CRTC3: variants seen among roughly 807,000 people sequenced by gnomAD.
CRTC3 encodes CREB regulated transcription coactivator 3.
In CRTC3, 26 loss-of-function variants were observed where a neutral mutation model predicts 74.5. The observed-to-expected ratio is 0.35, with a 90% CI of 0.26 to 0.48. CRTC3 has a LOEUF of 0.48. Ranked by LOEUF, CRTC3 falls within the 20% of genes least tolerant of loss-of-function variation. The pLI, the probability that CRTC3 is intolerant of heterozygous loss-of-function variation, is 0.99. For missense variants in CRTC3, 760 were observed against 787.3 expected (o/e 0.97, Z 0.41); for synonymous variants, 377 against 325.8 (o/e 1.16, Z -1.69).
At chr15:90,552,824 C>A (rs1458546935) in intron 2 of CRTC3, among the ~76,000 whole-genome samples, 1 of 152,216 alleles carries the variant, frequency 6.6e-6, no homozygotes, top group East Asian at 1.9e-4. Context: ...TCCCAAGCAT[C>A]TAACTAAATT....
intron 5 of CRTC3, among the ~76,000 whole-genome samples, chr15:90,605,924 G>A (rs746861078): frequency 2.0e-5 from 3 of 152,218 alleles, no homozygotes; most frequent in Non-Finnish European, 4.4e-5. Flanking sequence ...ATACATTAGT[G>A]GCTCCCACAT....
chr15:90,578,399 T>C (rs547976855), intron 2 of CRTC3, among the ~76,000 whole-genome samples: 1 of 151,910 alleles, frequency 6.6e-6, no homozygotes, highest in East Asian at 2.0e-4. Context: ...ATACAAAAAT[T>C]AGCGAGGCGT....
At chr15:90,591,788 C>A (rs997858949) in intron 2 of CRTC3, among the ~76,000 whole-genome samples, 3 of 152,172 alleles carry the variant, frequency 2.0e-5, no homozygotes, top group Non-Finnish European at 4.4e-5. Flanking sequence ...CAGAGTGAGA[C>A]CCTGTCTCAA....
rs142000417 is a variant in CRTC3 at position 90,609,049 on chromosome 15, T to C, written c.577+1571T>C. Reference sequence around the variant, plus strand: ...CTTTTTGGACAATTTAAAGCCTAAATGGCCTCTGTTCCTTCCAGGAGAACA... The same window carrying C: ...CTTTTTGGACAATTTAAAGCCTAAACGGCCTCTGTTCCTTCCAGGAGAACA... On this transcript the variant is annotated intron_variant, in intron 6 of 14. Transcript: ENST00000268184. Among the ~76,000 whole-genome samples the C allele has an allele frequency of 4.5e-3, 690 of 152,374 alleles. 9 individuals are homozygous for C. Among genetic ancestry groups the C allele is most frequent in the African/African-American group, 0.016 (674 of 41,584 alleles).
chr15:90,628,013 C>T (rs1968902052), intron 10 of CRTC3, among the ~76,000 whole-genome samples: 1 of 150,588 alleles, frequency 6.6e-6, no homozygotes, highest in South Asian at 2.1e-4. Context: ...GTCAGGAGAT[C>T]GAGACCATCC....
intron 2 of CRTC3, among the ~76,000 whole-genome samples, chr15:90,563,563 G>C (rs926050562): frequency 6.6e-6 from 1 of 152,128 alleles, no homozygotes; most frequent in Non-Finnish European, 1.5e-5. Context: ...TGCTAAGAGC[G>C]GATGGCTCTC....
chr15:90,566,549 A>G (rs1470415821), intron 2 of CRTC3, among the ~76,000 whole-genome samples: 1 of 72,090 alleles, frequency 1.4e-5, no homozygotes, highest in African/African-American at 3.6e-5. Flanking sequence ...GACTCTGTCT[A>G]TTAAAAAAAA....
At chr15:90,615,112 CAATT>C (rs982215166) in intron 7 of CRTC3, among the ~76,000 whole-genome samples, 109 of 151,284 alleles carry the variant, frequency 7.2e-4, no homozygotes, top group African/African-American at 2.3e-3. Flanking sequence ...ATCACTTAAA[CAATT>C]AGTTATTCCA....
intron 2 of CRTC3, among the ~76,000 whole-genome samples, chr15:90,586,939 A>G (rs1967678468): frequency 1.3e-5 from 2 of 152,226 alleles, no homozygotes; most frequent in Admixed American, 1.3e-4. Context: ...CTTGGACTTC[A>G]GCTCATTTCC....
chr15:90,585,066 A>G (rs1243719417), intron 2 of CRTC3, among the ~76,000 whole-genome samples: 1 of 152,224 alleles, frequency 6.6e-6, no homozygotes, highest in African/African-American at 2.4e-5. Context: ...TCTTAGCAAG[A>G]CTGTTAACCT....
At chr15:90,600,868 G>T (rs776668047) in intron 3 of CRTC3, among the ~76,000 whole-genome samples, 20 of 152,296 alleles carry the variant, frequency 1.3e-4, no homozygotes, top group African/African-American at 4.3e-4. Context: ...AAAGGAATGG[G>T]CTTGGTTTGG....
intron 6 of CRTC3, among the ~76,000 whole-genome samples, chr15:90,608,451 CCTCT>C (rs1190670072): frequency 2.0e-5 from 3 of 151,998 alleles, no homozygotes; most frequent in Non-Finnish European, 4.4e-5. Context: ...CCTGTCTCTT[CCTCT>C]CTCTCTCACT....
intron 1 of CRTC3, among the ~76,000 whole-genome samples, chr15:90,537,226 T>C (rs1053576081): frequency 5.2e-5 from 5 of 95,924 alleles, no homozygotes; most frequent in African/African-American, 2.0e-4. Context: ...AGATCAGCAA[T>C]AATGATAATA....
intron 2 of CRTC3, among the ~76,000 whole-genome samples, chr15:90,562,636 C>T (rs757518959): frequency 4.6e-5 from 7 of 152,290 alleles, no homozygotes; most frequent in Middle Eastern, 3.4e-3. Context: ...TTCACTCCCC[C>T]GGCCACCTGA....
At chr15:90,580,263 C>T (rs1279732064) in intron 2 of CRTC3, among the ~76,000 whole-genome samples, 2 of 151,972 alleles carry the variant, frequency 1.3e-5, no homozygotes, top group Admixed American at 6.6e-5. Context: ...GCACTGAAGC[C>T]GGGAGCCAGG....
At chr15:90,612,946 C>G (rs558477819) in intron 6 of CRTC3, among the ~76,000 whole-genome samples, 3 of 152,094 alleles carry the variant, frequency 2.0e-5, no homozygotes, top group African/African-American at 7.2e-5. Flanking sequence ...CACCTGTAAT[C>G]CCAGCACTTT....
Position 90,642,072 on chromosome 15 carries a change from T to G in CRTC3, c.1792T>G (p.Leu598Val). 1 of 1,614,044 alleles carries G rather than the reference T, an allele frequency of 6.2e-7. No individual in the cohort carries two copies. The highest frequency in any genetic ancestry group is 8.5e-7 in the Non-Finnish European group (1 of 1,180,026). Reference sequence around the variant, plus strand: ...CCTGAGCCTGGACGGACTCAACATGTTAAGTGACTCCAGCATGGGCCTGCT... The same window carrying G: ...CCTGAGCCTGGACGGACTCAACATGGTAAGTGACTCCAGCATGGGCCTGCT... Reference protein sequence around the residue: ...EPLSLDGLNMLSDSSMGLLDP... With the variant: ...EPLSLDGLNMVSDSSMGLLDP... The change falls in exon 15 of 15, where the codon TTA becomes GTA. Residue 598 changes from leucine to valine, a missense_variant. Coordinates refer to ENST00000268184, the MANE Select transcript of CRTC3 (RefSeq NM_022769.5).
intron 5 of CRTC3, among the ~76,000 whole-genome samples, chr15:90,605,098 GA>G (rs997584151): frequency 5.5e-4 from 79 of 144,594 alleles, no homozygotes; most frequent in East Asian, 4.4e-3. Flanking sequence ...CTGTCTCTAT[GA>G]AAAAAAAAAA....
intron 13 of CRTC3, 55 bp from the exon 14 acceptor site, chr15:90,641,042 T>G: frequency 8.6e-7 from 1 of 1,166,162 alleles, no homozygotes; most frequent in Non-Finnish European, 1.3e-6. Context: ...CAATACTCAC[T>G]TCCTCCTTGG....
Sources: gnomAD v4.1 joint callset for allele counts (sites outside exome capture counted in the v4.1 genomes callset) on GRCh38, gnomAD v4.1.1 for gene constraint, MANE v1.5 for transcripts, NCBI Gene and HGNC (gene_info 2026-07-23, HGNC 2026-07-21) for gene names.